SNRPD1: variants seen among roughly 807,000 people sequenced by gnomAD.
SNRPD1 encodes small nuclear ribonucleoprotein Sm D1.
SNRPD1 carries 1 observed loss-of-function variant against 14.4 expected under a neutral mutation model. The ratio of observed to expected loss-of-function variants is 0.07; its 90% CI spans 0.02 to 0.33. SNRPD1 has a LOEUF of 0.33. SNRPD1 is among the 10% of genes least tolerant of loss of function. SNRPD1 has a pLI of 1.00. For missense variants in SNRPD1, 52 were observed against 146.4 expected (o/e 0.36, Z 3.33); for synonymous variants, 42 against 50.3 (o/e 0.83, Z 0.70).
intron 1 of SNRPD1, 66 bp from the exon 2 acceptor site, chr18:21,622,659 C>A (rs2039007042): frequency 7.7e-6 from 6 of 781,494 alleles, no homozygotes; most frequent in East Asian, 2.5e-5. Flanking sequence ...GTTGTTTCAC[C>A]CTTTCACCTT....
At chr18:21,616,020 C>T (rs901555383) in intron 1 of SNRPD1, among the ~76,000 whole-genome samples, 1 of 152,226 alleles carries the variant, frequency 6.6e-6, no homozygotes, top group Non-Finnish European at 1.5e-5. Context: ...GAGTCTCACT[C>T]TGTCACCCAG....
intron 3 of SNRPD1, among the ~76,000 whole-genome samples, chr18:21,625,316 A>ATTTTT (rs144395165): frequency 6.4e-5 from 7 of 109,110 alleles, no homozygotes; most frequent in South Asian, 5.9e-4. Context: ...GTTGAAAAAA[A>ATTTTT]TTTTTTTTTT....
intron 3 of SNRPD1, among the ~76,000 whole-genome samples, chr18:21,626,394 CAAAA>C (rs774960503): frequency 1.6e-4 from 8 of 51,084 alleles, no homozygotes; most frequent in African/African-American, 4.5e-4. Flanking sequence ...ACCCTGTCGC[CAAAA>C]AAAAAAAAAA....
intron 1 of SNRPD1, among the ~76,000 whole-genome samples, chr18:21,617,402 T>C (rs980004944): frequency 3.3e-5 from 5 of 152,208 alleles, no homozygotes; most frequent in African/African-American, 1.2e-4. Flanking sequence ...TTTGCTTGTA[T>C]TGTTTCATTG....
chr18:21,617,730 T>G (rs2038967739), intron 1 of SNRPD1, among the ~76,000 whole-genome samples: 1 of 152,090 alleles, frequency 6.6e-6, no homozygotes, highest in Non-Finnish European at 1.5e-5. Context: ...CGGCCAGGCG[T>G]GGTGGTTCAT....
At chr18:21,617,065 C>T (rs1280666170) in intron 1 of SNRPD1, among the ~76,000 whole-genome samples, 1 of 152,114 alleles carries the variant, frequency 6.6e-6, no homozygotes, top group Non-Finnish European at 1.5e-5. Context: ...GGTCCAGGTT[C>T]GTTTTTTTTC....
Position 21,629,364 on chromosome 18 carries a change from A to T in SNRPD1, c.*226A>T. ...TGATCAGGTTTTAAGTTTTTGAACT[A>T]AAATTTTTCTTTTTCTTTTTATGAT... On this transcript the variant is annotated 3_prime_UTR_variant, in exon 4 of 4. Coordinates refer to ENST00000300413, the MANE Select transcript of SNRPD1 (RefSeq NM_006938.4). The T allele has an allele frequency of 2.2e-6, 1 of 447,234 alleles. No individual in the cohort carries two copies. The allele number at this position is 447,234 out of a possible 1,614,324, so 27.7% of individuals were successfully genotyped here. A position where few individuals can be genotyped will look rare whatever the true frequency, so the allele number is the denominator to read the frequency against.
At chr18:21,614,491 A>G (rs934965501) in intron 1 of SNRPD1, among the ~76,000 whole-genome samples, 1 of 152,028 alleles carries the variant, frequency 6.6e-6, no homozygotes, top group Non-Finnish European at 1.5e-5. Context: ...CAGAGAATGT[A>G]TTTTTCCTCC....
Position 21,624,962 on chromosome 18 carries a change from T to C in SNRPD1, c.283+1023T>C, listed in dbSNP as rs73427754. Among the ~76,000 whole-genome samples the C allele has an allele frequency of 8.0e-3, 1,218 of 152,252 alleles. 20 individuals carry two copies. The highest frequency in any genetic ancestry group is 0.028 in the African/African-American group (1,172 of 41,532). ...CTGTAGATAGTTATACTGTATTGTT[T>C]AGGCGTTAATGACAAGAAAAAGTCT... On this transcript the variant is annotated intron_variant, in intron 3 of 3. Coordinates refer to ENST00000300413, the MANE Select transcript of SNRPD1 (RefSeq NM_006938.4).
Position 21,630,788 on chromosome 18 carries a change from A to G in SNRPD1, c.*1650A>G, listed in dbSNP as rs533072729. 6.7e-6 allele frequency: 1 copy of G among 148,220 alleles called. No individual in the cohort carries two copies. The highest frequency in any genetic ancestry group is 2.4e-5 in the African/African-American group (1 of 40,832). 9.2% of individuals were successfully genotyped at this position (148,220 alleles called of 1,614,324 possible). ...AAAAAATCGAGAGAGAGATATATAT[A>G]TGTATTTATATATATATGTATTTAT... is the stretch of plus-strand genomic sequence containing the variant. On this transcript the variant is annotated 3_prime_UTR_variant, in exon 4 of 4. Coordinates refer to ENST00000300413, the MANE Select transcript of SNRPD1 (RefSeq NM_006938.4).
intron 1 of SNRPD1, among the ~76,000 whole-genome samples, chr18:21,618,265 A>G (rs1294652621): frequency 6.6e-6 from 1 of 152,016 alleles, no homozygotes; most frequent in Admixed American, 6.6e-5. Flanking sequence ...TCTACAAAAA[A>G]TTTAAAAATT....
chr18:21,612,410 A>C lies in SNRPD1; in HGVS notation c.-20A>C. The C allele has an allele frequency of 6.5e-7, 1 of 1,550,000 alleles. No individual in the cohort carries two copies. Among genetic ancestry groups the C allele is most frequent in the Non-Finnish European group, 8.8e-7 (1 of 1,139,976 alleles). ...GGATTCTGTGTGCTGTCGGACCCAG[A>C]GGGTGACGGCGCCGCTAGGATGAAG... On this transcript the variant is annotated 5_prime_UTR_variant, in exon 1 of 4. Coordinates refer to ENST00000300413, the MANE Select transcript of SNRPD1 (RefSeq NM_006938.4).
At chr18:21,614,301 A>G (rs1201850538) in intron 1 of SNRPD1, among the ~76,000 whole-genome samples, 1 of 152,282 alleles carries the variant, frequency 6.6e-6, no homozygotes, top group African/African-American at 2.4e-5. Context: ...AAATTTCTCC[A>G]TACCTGCCAA....
chr18:21,612,690 G>C (rs887082981), intron 1 of SNRPD1, among the ~76,000 whole-genome samples: 4 of 152,394 alleles, frequency 2.6e-5, no homozygotes, highest in East Asian at 1.9e-4. Flanking sequence ...TAGTGACTTA[G>C]AGGCTTTAAA....
rs1267136285 is a variant in SNRPD1 at position 21,613,842 on chromosome 18, G to T, written c.14+1399G>T. On this transcript the variant is annotated intron_variant, in intron 1 of 3. Transcript: ENST00000300413. The stretch of plus-strand genomic sequence containing the variant: ...TACGCTCCAGCCTGGGCGACAGAGC[G>T]AGACTCCATCTCAAAAAAAAAAAAA... Among the ~76,000 whole-genome samples the T allele has an allele frequency of 3.7e-5, 4 of 108,302 alleles. No individual in the cohort carries two copies. The Admixed American group carries it at 4.3e-4, about 12-fold the overall frequency. 71.1% of individuals were successfully genotyped at this position (108,302 alleles called of 152,430 possible). A position where few individuals can be genotyped will look rare whatever the true frequency, so the allele number is the denominator to read the frequency against.
Position 21,631,734 on chromosome 18 carries a change from A to G in SNRPD1, c.*2596A>G, listed in dbSNP as rs1357686084. The G allele has an allele frequency of 1.3e-5, 2 of 152,000 alleles. No individual in the cohort carries two copies. Among genetic ancestry groups the G allele is most frequent in the African/African-American group, 4.8e-5 (2 of 41,360 alleles). The allele number at this position is 152,000 out of a possible 1,614,324, so 9.4% of individuals were successfully genotyped here. A position where few individuals can be genotyped will look rare whatever the true frequency, so the allele number is the denominator to read the frequency against. On this transcript the variant is annotated 3_prime_UTR_variant, in exon 4 of 4. Transcript: ENST00000300413. ...GTGAGCCACCGTGCGTCCCCGGCCT[A>G]TACCTTTCATTAATTAATAAGCTGG...
rs907697454 is a variant in SNRPD1 at position 21,630,357 on chromosome 18, A to G, written c.*1219A>G. ...TTGTAAAGCTTACTACGAAGTATTT[A>G]TATGCTAAGGAAAACAACTGAGGAT... On this transcript the variant is annotated 3_prime_UTR_variant, in exon 4 of 4. Transcript: ENST00000300413. The G allele has an allele frequency of 3.3e-5, 5 of 151,812 alleles. No individual in the cohort carries two copies. Among genetic ancestry groups the G allele is most frequent in the Non-Finnish European group, 4.4e-5 (3 of 67,984 alleles). The allele number at this position is 151,812 out of a possible 1,614,324, so 9.4% of individuals were successfully genotyped here.
chr18:21,626,913 C>T (rs1009823876), intron 3 of SNRPD1, among the ~76,000 whole-genome samples: 23 of 150,448 alleles, frequency 1.5e-4, no homozygotes, highest in Middle Eastern at 3.5e-3. Context: ...TGGCTTCAGG[C>T]TGTCTTCTGC....
chr18:21,629,568 T>C lies in SNRPD1; in HGVS notation c.*430T>C, dbSNP rs938251919. 2 of 160,890 alleles carry C rather than the reference T, an allele frequency of 1.2e-5. No homozygotes were observed. The highest frequency in any genetic ancestry group is 2.4e-5 in the African/African-American group (1 of 41,498). The allele number at this position is 160,890 out of a possible 1,614,324, so 10.0% of individuals were successfully genotyped here. Reference sequence around the variant, plus strand: ...TGATGTATGGAAAATGGAAGTGAGATACAGCAACAGCCGGATTAGTTACAG... The same window carrying C: ...TGATGTATGGAAAATGGAAGTGAGACACAGCAACAGCCGGATTAGTTACAG... On this transcript the variant is annotated 3_prime_UTR_variant, in exon 4 of 4. Transcript: ENST00000300413.
Sources: gnomAD v4.1 joint callset for allele counts (sites outside exome capture counted in the v4.1 genomes callset) on GRCh38, gnomAD v4.1.1 for gene constraint, MANE v1.5 for transcripts, NCBI Gene and HGNC (gene_info 2026-07-23, HGNC 2026-07-21) for gene names.